GASK1B: variants seen among roughly 807,000 people sequenced by gnomAD.
The protein encoded by GASK1B is Golgi-associated kinase 1B.
In GASK1B, 34 loss-of-function variants were observed where a neutral mutation model predicts 42.8. That is an observed-to-expected ratio of 0.79 (90% CI 0.60 to 1.06). The LOEUF is 1.06. Among genes scored for constraint, GASK1B ranks in the 50% least tolerant of loss-of-function variants. GASK1B has a pLI of 0.00. For synonymous variants in GASK1B, 262 were observed against 259.1 expected, an observed-to-expected ratio of 1.01 and a Z score of -0.11; for missense variants, 686 against 661.0, an observed-to-expected ratio of 1.04 and a Z score of -0.42.
At chr4:158,141,772 A>G (rs1731134929) in intron 3 of GASK1B, among the ~76,000 whole-genome samples, 1 of 149,588 alleles carries the variant, frequency 6.7e-6, no homozygotes, top group African/African-American at 2.5e-5. Flanking sequence ...ACGCCAGACT[A>G]ATTTTTCTGT....
At chr4:158,158,962 GC>G (rs1731863175) in intron 2 of GASK1B, among the ~76,000 whole-genome samples, 1 of 152,022 alleles carries the variant, frequency 6.6e-6, no homozygotes, top group Non-Finnish European at 1.5e-5. Flanking sequence ...TTATGGGTAT[GC>G]TGTATGTCAG....
intron 2 of GASK1B, chr4:158,170,078 C>T: frequency 1.5e-6 from 1 of 682,060 alleles, no homozygotes; most frequent in Non-Finnish European, 2.4e-6. Context: ...CTACTTCCTC[C>T]CATAGTAACC....
intron 2 of GASK1B, among the ~76,000 whole-genome samples, chr4:158,160,246 C>T (rs931831755): frequency 1.3e-5 from 2 of 151,972 alleles, no homozygotes; most frequent in African/African-American, 2.4e-5. Flanking sequence ...AACTTTAATG[C>T]GAAAAGAAAT....
intron 3 of GASK1B, among the ~76,000 whole-genome samples, chr4:158,153,799 C>T (rs2110987203): frequency 6.6e-6 from 1 of 152,206 alleles, no homozygotes; most frequent in South Asian, 2.1e-4. Context: ...AATTGGCAAG[C>T]CACATGTAGA....
At position 158,171,526 on chromosome 4, in the gene GASK1B, T is replaced by C; in HGVS notation, c.-151A>G. 1 of 729,640 alleles carries C rather than the reference T, an allele frequency of 1.4e-6. No homozygotes were observed. The highest frequency in any genetic ancestry group is 1.8e-5 in the African/African-American group (1 of 56,620). The allele number at this position is 729,640 out of a possible 1,614,324, so 45.2% of individuals were successfully genotyped here. ...AGAGGTGGAAGGAAAGGGTTGGTGATGAAGCTGGGAATGTTTCTGACACAA... is the reference window on the plus strand; with the variant it reads ...AGAGGTGGAAGGAAAGGGTTGGTGACGAAGCTGGGAATGTTTCTGACACAA... On this transcript the variant is annotated 5_prime_UTR_variant, in exon 2 of 5. Transcript: ENST00000585682.
At chr4:158,161,468 C>T (rs1732002276) in intron 2 of GASK1B, among the ~76,000 whole-genome samples, 1 of 152,270 alleles carries the variant, frequency 6.6e-6, no homozygotes, top group East Asian at 1.9e-4. Flanking sequence ...GTCAAGGAAG[C>T]AGGAAAGGAG....
At chr4:158,164,006 T>C (rs1056939867) in intron 2 of GASK1B, among the ~76,000 whole-genome samples, 5 of 152,176 alleles carry the variant, frequency 3.3e-5, no homozygotes, top group African/African-American at 1.2e-4. Flanking sequence ...TTACATCAAC[T>C]CAGAGACAGC....
chr4:158,160,130 T>TAAAA (rs1731915427), intron 2 of GASK1B, among the ~76,000 whole-genome samples: 2 of 152,134 alleles, frequency 1.3e-5, no homozygotes, highest in Admixed American at 1.3e-4. Flanking sequence ...AACTCTATAA[T>TAAAA]ACCCATTGAA....
Position 158,171,069 on chromosome 4 carries a change from G to A in GASK1B, c.307C>T (p.Gln103Ter). 6.2e-7 allele frequency: 1 copy of A among 1,611,736 alleles called. No homozygotes were observed. Among genetic ancestry groups the A allele is most frequent in the Non-Finnish European group, 8.5e-7 (1 of 1,178,088 alleles). The change falls in exon 2 of 5, where the codon CAG (glutamine) becomes TAG (stop). Residue 103 changes from glutamine to a stop codon, truncating the protein, a stop_gained. Coordinates refer to ENST00000585682, the MANE Select transcript of GASK1B (RefSeq NM_001128424.2). LOFTEE classifies it high-confidence loss of function. ...AGGGTAATGTACACCACATTGGGCT[G>A]CAGAGTGGACCCATTGCCCTGGGAC... ...PESQGNGSTL[Q>*]PNVVYITLRS... is the part of the protein sequence containing the mutation.
At position 158,155,774 on chromosome 4, in the gene GASK1B, C is replaced by T; in HGVS notation, c.962G>A (p.Ser321Asn). ...ILWDASLSSA[S>N]NDTHSSVKLT... is the part of the protein sequence containing the mutation. ...CTTAACAGAAGAATGGGTGTCATTA[C>T]TTGCTGAAGATAAAGATGCATCCCA... is the stretch of plus-strand genomic sequence containing the variant. The change falls in exon 3 of 5, where the codon AGT (serine) becomes AAT (asparagine). Residue 321 changes from serine (S) to asparagine (N), a missense_variant. Transcript: ENST00000585682. 1 of 1,613,832 alleles carries T rather than the reference C, an allele frequency of 6.2e-7. No homozygotes were observed. Among genetic ancestry groups the T allele is most frequent in the Non-Finnish European group, 8.5e-7 (1 of 1,179,804 alleles).
Position 158,130,908 on chromosome 4 carries a change from C to T in GASK1B, c.1230G>A (p.Ala410=), listed in dbSNP as rs771664281. ...LRPKCDDQGS[A]ALAHIIQRKH... is the part of the protein sequence containing the mutation. ...TTCGCTGGATAATGTGTGCTAGAGC[C>T]GCAGAACCTTGGTCATCACATTTTG... The change falls in exon 4 of 5, where the codon GCG becomes GCA. Residue 410 remains alanine (A), a synonymous_variant. Transcript: ENST00000585682. 27 of 1,613,932 alleles carry T rather than the reference C, an allele frequency of 1.7e-5. No homozygotes were observed. Among genetic ancestry groups the T allele is most frequent in the Admixed American group, 1.0e-4 (6 of 59,992 alleles).
At chr4:158,163,517 T>A (rs935294772) in intron 2 of GASK1B, among the ~76,000 whole-genome samples, 10 of 148,312 alleles carry the variant, frequency 6.7e-5, no homozygotes, top group Non-Finnish European at 5.9e-5. Context: ...TGCAGTGAGC[T>A]GAGATCACAG....
Position 158,170,977 on chromosome 4 carries a change from A to C in GASK1B, c.399T>G (p.His133Gln). Residue 133 changes from histidine (H) to glutamine (Q), a missense_variant, in exon 2 of 5, where the codon CAT becomes CAG. Transcript: ENST00000585682. ...GTVKPKRRKK[H>Q]AVASAAPGQE... ...GCCCTGGGGCAGCCGATGCCACTGCATGCTTTTTCCTGCGCTTGGGCTTCA... is the reference window on the plus strand; with the variant it reads ...GCCCTGGGGCAGCCGATGCCACTGCCTGCTTTTTCCTGCGCTTGGGCTTCA... 5 of 1,614,184 alleles carry C rather than the reference A, an allele frequency of 3.1e-6. No individual in the cohort carries two copies. In the South Asian group the frequency reaches 4.4e-5, roughly 14 times the overall value.
intron 3 of GASK1B, among the ~76,000 whole-genome samples, chr4:158,134,893 A>T (rs10024133): frequency 0.89 from 134,995 of 152,142 alleles, 60,939 homozygotes; most frequent in East Asian, 0.98. Context: ...AGATGTTCCA[A>T]CCCTATGCAC....
chr4:158,157,739 C>T (rs1259890995), intron 2 of GASK1B, among the ~76,000 whole-genome samples: 1 of 152,096 alleles, frequency 6.6e-6, no homozygotes, highest in Non-Finnish European at 1.5e-5. Flanking sequence ...GCAGTTTCCT[C>T]AGCAATTCAT....
intron 3 of GASK1B, among the ~76,000 whole-genome samples, chr4:158,152,143 T>G (rs1731581646): frequency 6.6e-6 from 1 of 152,174 alleles, no homozygotes; most frequent in South Asian, 2.1e-4. Flanking sequence ...CTCAGGCCTT[T>G]GGCCACAGAC....
At chr4:158,152,407 C>A (rs1416302161) in intron 3 of GASK1B, among the ~76,000 whole-genome samples, 2 of 152,088 alleles carry the variant, frequency 1.3e-5, no homozygotes, top group Non-Finnish European at 2.9e-5. Flanking sequence ...TGAATTCTAC[C>A]AGACATTCAA....
intron 2 of GASK1B, among the ~76,000 whole-genome samples, chr4:158,164,594 T>C (rs1039241264): frequency 5.9e-5 from 9 of 152,226 alleles, no homozygotes; most frequent in Non-Finnish European, 7.3e-5. Flanking sequence ...GAACACAACA[T>C]ACTTTCAATC....
chr4:158,166,364 G>GA (rs1732230491), intron 2 of GASK1B, among the ~76,000 whole-genome samples: 1 of 152,104 alleles, frequency 6.6e-6, no homozygotes, highest in Non-Finnish European at 1.5e-5. Context: ...TGCCAATTTA[G>GA]AAAAAACCTA....
Sources: gnomAD v4.1 joint callset for allele counts (sites outside exome capture counted in the v4.1 genomes callset) on GRCh38, gnomAD v4.1.1 for gene constraint, MANE v1.5 for transcripts, NCBI Gene and HGNC (gene_info 2026-07-23, HGNC 2026-07-21) for gene names.